IFNAR1: variants seen among roughly 807,000 people sequenced by gnomAD.
IFNAR1 encodes interferon alpha and beta receptor subunit 1, also known as interferon alpha/beta receptor 1.
Under a neutral mutation model 62.1 loss-of-function variants are expected in IFNAR1, and 47 were observed. The ratio of observed to expected loss-of-function variants is 0.76; its 90% CI spans 0.60 to 0.97. The LOEUF (loss-of-function observed/expected upper bound fraction) is 0.97, where lower values mean the gene tolerates loss of function less well. IFNAR1 is among the 50% of genes least tolerant of loss of function. The pLI is 0.00. For synonymous variants in IFNAR1, 219 were observed against 226.9 expected, an observed-to-expected ratio of 0.97 and a Z score of 0.31; for missense variants, 638 against 654.5, an observed-to-expected ratio of 0.97 and a Z score of 0.27.
intron 1 of IFNAR1, among the ~76,000 whole-genome samples, chr21:33,330,065 C>T (rs1347979788): frequency 1.3e-5 from 2 of 152,172 alleles, no homozygotes; most frequent in African/African-American, 4.8e-5. Flanking sequence ...TATTTGAGCT[C>T]TTAGTACAGT....
rs2083364809 is a variant in IFNAR1 at position 33,347,946 on chromosome 21, G to A, written c.789-1145G>A. Among the ~76,000 whole-genome samples, 5 of 152,184 alleles carry A rather than the reference G, an allele frequency of 3.3e-5. No homozygotes were observed. In the South Asian group the frequency reaches 1.0e-3, roughly 31 times the overall value. On this transcript the variant is annotated intron_variant, in intron 6 of 10. Transcript: ENST00000270139. The stretch of plus-strand genomic sequence containing the variant: ...CCTCAGGCTGTCCTGTAGGCTTTTG[G>A]GGATTTTGTGTTGGGGTGATAGTTA...
At chr21:33,354,322 A>ACC (rs2123274511) in intron 10 of IFNAR1, among the ~76,000 whole-genome samples, 1 of 152,210 alleles carries the variant, frequency 6.6e-6, no homozygotes, top group Admixed American at 6.5e-5. Flanking sequence ...AGCCTGGGTG[A>ACC]CAGAGCAAGA....
At chr21:33,344,912 C>T (rs934839833) in intron 5 of IFNAR1, among the ~76,000 whole-genome samples, 1 of 151,986 alleles carries the variant, frequency 6.6e-6, no homozygotes, top group South Asian at 2.1e-4. Flanking sequence ...CTCAGCCTCC[C>T]GAGTAGCTGG....
At chr21:33,337,197 T>A (rs774047157) in intron 2 of IFNAR1, among the ~76,000 whole-genome samples, 3 of 151,926 alleles carry the variant, frequency 2.0e-5, no homozygotes, top group Non-Finnish European at 4.4e-5. Flanking sequence ...TACTCCAGCC[T>A]GGGAGACAGC....
chr21:33,347,412 G>A (rs2083359252), intron 6 of IFNAR1, among the ~76,000 whole-genome samples: 1 of 152,160 alleles, frequency 6.6e-6, no homozygotes. Flanking sequence ...TTATAGGCGT[G>A]AGGCACCGCG....
At chr21:33,339,736 A>G (rs1038369610) in intron 2 of IFNAR1, among the ~76,000 whole-genome samples, 3 of 151,896 alleles carry the variant, frequency 2.0e-5, no homozygotes, top group Non-Finnish European at 2.9e-5. Flanking sequence ...AGTCTAGCCA[A>G]CATGGCAAAA....
intron 1 of IFNAR1, among the ~76,000 whole-genome samples, chr21:33,329,554 C>T (rs2083157249): frequency 6.6e-6 from 1 of 152,140 alleles, no homozygotes; most frequent in Non-Finnish European, 1.5e-5. Flanking sequence ...GAAGCTGTCT[C>T]AGTTAAGAAA....
chr21:33,349,262 A>G lies in IFNAR1; in HGVS notation c.960A>G (p.Glu320=). 6.2e-7 allele frequency: 1 copy of G among 1,609,928 alleles called. No homozygotes were observed. The highest frequency in any genetic ancestry group is 1.1e-5 in the South Asian group (1 of 90,306). Residue 320 remains glutamate (E), a synonymous_variant, in exon 7 of 11, where the codon GAA becomes GAG. Coordinates refer to ENST00000270139, the MANE Select transcript of IFNAR1 (RefSeq NM_000629.3). ...GAAATAACACATCTTTTTGGTCTGA[A>G]GAGATAAAGTTTGATACTGAAATAC... ...SDGNNTSFWS[E]EIKFDTEIQA...
chr21:33,344,695 A>G (rs929031585), intron 5 of IFNAR1, among the ~76,000 whole-genome samples: 1 of 152,008 alleles, frequency 6.6e-6, no homozygotes, highest in African/African-American at 2.4e-5. Flanking sequence ...GGGATATTCT[A>G]TATCACTCAA....
Position 33,352,840 on chromosome 21 carries a change from A to G in IFNAR1, c.1226A>G (p.His409Arg). 1 of 1,606,446 alleles carries G rather than the reference A, an allele frequency of 6.2e-7. No homozygotes were observed. Among genetic ancestry groups the G allele is most frequent in the Non-Finnish European group, 8.5e-7 (1 of 1,174,498 alleles). The change falls in exon 9 of 11, where the codon CAC (histidine) becomes CGC (arginine). Residue 409 changes from histidine (H) to arginine (R), a missense_variant. Physicochemically the swap from His to Arg is conservative, Grantham distance 29 (BLOSUM62 0). Transcript: ENST00000270139. ...LTVYCVKARA[H>R]TMDEKLNKSS... ...GTATATTGTGTGAAAGCCAGAGCAC[A>G]CACCATGGATGAAAAGCTGAATAAA... is the stretch of plus-strand genomic sequence containing the variant.
chr21:33,355,665 A>G lies in IFNAR1; in HGVS notation c.*116A>G. On this transcript the variant is annotated 3_prime_UTR_variant, in exon 11 of 11. Coordinates refer to ENST00000270139, the MANE Select transcript of IFNAR1 (RefSeq NM_000629.3). ...AGGACGTTTCCCTGTTTAGGGAAAG[A>G]AAAAACATCTTCAGATCATAGGTCC... 2 of 557,640 alleles carry G rather than the reference A, an allele frequency of 3.6e-6. No individual in the cohort carries two copies. The highest frequency in any genetic ancestry group is 6.3e-6 in the Non-Finnish European group (2 of 315,836). 34.5% of individuals were successfully genotyped at this position (557,640 alleles called of 1,614,324 possible). A position where few individuals can be genotyped will look rare whatever the true frequency, so the allele number is the denominator to read the frequency against.
intron 8 of IFNAR1, among the ~76,000 whole-genome samples, chr21:33,351,751 C>T (rs909064771): frequency 1.3e-5 from 2 of 151,764 alleles, no homozygotes; most frequent in African/African-American, 4.8e-5. Flanking sequence ...AGTTTCACCA[C>T]GTTGCCCAGG....
At chr21:33,325,162 G>A in intron 1 of IFNAR1, 31 bp downstream of exon 1, 1 of 1,590,166 alleles carries the variant, frequency 6.3e-7, no homozygotes, top group Non-Finnish European at 8.6e-7. Context: ...TCTTGGCGCA[G>A]GGCGGGAGGT....
At chr21:33,343,484 A>G in intron 4 of IFNAR1, 51 bp from the exon 5 acceptor site, 1 of 1,557,962 alleles carries the variant, frequency 6.4e-7, no homozygotes, top group East Asian at 2.2e-5. Context: ...AATTAATCCT[A>G]AAATTTGACT....
Position 33,341,174 on chromosome 21 carries a change from G to A in IFNAR1, c.376G>A (p.Ala126Thr), listed in dbSNP as rs1405297611. 1.9e-6 allele frequency: 3 copies of A among 1,600,594 alleles called. No individual in the cohort carries two copies. In the Admixed American group the frequency reaches 5.2e-5, roughly 28 times the overall value. The change falls in exon 3 of 11, where the codon GCT becomes ACT. Residue 126 changes from alanine (A) to threonine (T), a missense_variant and splice_region_variant. Ala to Thr is a moderately conservative substitution (Grantham distance 58). Transcript: ENST00000270139. ...TGACTCATTTACACCATTTCGCAAAGGTAAGAAAAAGTTGCTAGCTGAATT... is the reference window on the plus strand; with the variant it reads ...TGACTCATTTACACCATTTCGCAAAAGTAAGAAAAAGTTGCTAGCTGAATT... ...EVDSFTPFRK[A>T]QIGPPEVHLE...
chr21:33,339,873 G>A (rs769426635), intron 2 of IFNAR1, among the ~76,000 whole-genome samples: 24 of 149,902 alleles, frequency 1.6e-4, no homozygotes, highest in East Asian at 7.8e-4. Context: ...GGTTGCAGTG[G>A]GCCGAGATTG....
In IFNAR1 at chr21:33,355,677, C is replaced by A; in HGVS notation, c.*128C>A. The A allele has an allele frequency of 1.9e-6, 1 of 538,372 alleles. No homozygotes were observed. Among genetic ancestry groups the A allele is most frequent in the Non-Finnish European group, 3.3e-6 (1 of 304,368 alleles). The allele number at this position is 538,372 out of a possible 1,614,324, so 33.3% of individuals were successfully genotyped here. Reference sequence around the variant, plus strand: ...TGTTTAGGGAAAGAAAAAACATCTTCAGATCATAGGTCCTAAAAATACGGG... The same window carrying A: ...TGTTTAGGGAAAGAAAAAACATCTTAAGATCATAGGTCCTAAAAATACGGG... On this transcript the variant is annotated 3_prime_UTR_variant, in exon 11 of 11. Coordinates refer to ENST00000270139, the MANE Select transcript of IFNAR1 (RefSeq NM_000629.3).
At chr21:33,345,588 A>G (rs560282818) in intron 6 of IFNAR1, among the ~76,000 whole-genome samples, 150 of 152,324 alleles carry the variant, frequency 9.8e-4, no homozygotes, top group Non-Finnish European at 1.1e-3. Context: ...CTTCACTTGT[A>G]AAATAGATGG....
chr21:33,334,622 A>G, intron 1 of IFNAR1: 1 of 644,400 alleles, frequency 1.6e-6, no homozygotes, highest in Non-Finnish European at 2.9e-6. Flanking sequence ...CAGAGGGGAC[A>G]GTGCAGATTC....
Sources: allele counts gnomAD v4.1 joint callset (sites outside exome capture counted in the v4.1 genomes callset), GRCh38; gene constraint gnomAD v4.1.1; transcripts MANE v1.5; gene names NCBI Gene and HGNC (gene_info 2026-07-23, HGNC 2026-07-21).